Variants in RCL1 observed in about 807,000 individuals in gnomAD.
RCL1 encodes RNA 3'-terminal phosphate cyclase-like protein.
A neutral mutation model predicts 42.4 loss-of-function variants in RCL1; 24 were observed. That is an observed-to-expected ratio of 0.57 (90% CI 0.41 to 0.80). The LOEUF (loss-of-function observed/expected upper bound fraction) is 0.80. Among genes scored for constraint, RCL1 ranks in the 30% least tolerant of loss-of-function variants. RCL1 has a pLI of 0.00. For synonymous variants in RCL1, 228 were observed against 177.3 expected (o/e 1.29, Z -2.27); for missense variants, 578 against 467.9 (o/e 1.24, Z -2.17).
chr9:4,826,365 AC>A (rs1735598939), intron 2 of RCL1, among the ~76,000 whole-genome samples: 1 of 152,232 alleles, frequency 6.6e-6, no homozygotes, highest in Non-Finnish European at 1.5e-5. Context: ...AAATTAAAAG[AC>A]CTACTATTAA....
At chr9:4,797,040 G>T (rs1229643536) in intron 1 of RCL1, among the ~76,000 whole-genome samples, 1 of 152,036 alleles carries the variant, frequency 6.6e-6, no homozygotes, top group Admixed American at 6.6e-5. Context: ...CATAATACTT[G>T]GCAATTAAGA....
chr9:4,794,523 G>C (rs984832565), intron 1 of RCL1, among the ~76,000 whole-genome samples: 2 of 152,190 alleles, frequency 1.3e-5, no homozygotes. Context: ...CTTGATTGCT[G>C]TGTGGCATTC....
intron 1 of RCL1, among the ~76,000 whole-genome samples, chr9:4,817,603 A>T (rs116546332): frequency 2.7e-5 from 4 of 150,858 alleles, no homozygotes; most frequent in African/African-American, 7.3e-5. Context: ...CTCTACCTCA[A>T]CCCTGCCCCC....
At chr9:4,826,053 G>T (rs1816750516) in intron 2 of RCL1, among the ~76,000 whole-genome samples, 2 of 151,380 alleles carry the variant, frequency 1.3e-5, no homozygotes, top group Non-Finnish European at 2.9e-5. Context: ...AACATAGTGA[G>T]ACCCTTTCTC....
intron 3 of RCL1, among the ~76,000 whole-genome samples, chr9:4,828,028 T>C (rs1681915207): frequency 6.6e-6 from 1 of 151,650 alleles, no homozygotes; most frequent in South Asian, 2.1e-4. Context: ...CTACTAAAAA[T>C]ACAAAAAATT....
chr9:4,817,584 C>A (rs1319324696), intron 1 of RCL1, among the ~76,000 whole-genome samples: 1 of 151,890 alleles, frequency 6.6e-6, no homozygotes, highest in African/African-American at 2.4e-5. Context: ...AGGGATCCTC[C>A]TGCCTCAGCT....
intron 4 of RCL1, 139 bp from the exon 5 acceptor site, chr9:4,834,002 G>A (rs1406893260): frequency 3.2e-6 from 3 of 935,538 alleles, no homozygotes; most frequent in African/African-American, 3.4e-5. Flanking sequence ...TGTTGGTCTT[G>A]AAGGGAATGA....
chr9:4,801,049 A>G (rs1235115787), intron 1 of RCL1, among the ~76,000 whole-genome samples: 1 of 152,132 alleles, frequency 6.6e-6, no homozygotes, highest in Non-Finnish European at 1.5e-5. Flanking sequence ...TTTTATTCTG[A>G]TAGGTATGTA....
At chr9:4,812,505 C>T (rs1269334626) in intron 1 of RCL1, among the ~76,000 whole-genome samples, 1 of 152,128 alleles carries the variant, frequency 6.6e-6, no homozygotes. Context: ...CTCAAACGAT[C>T]CTCCTGCCTT....
intron 5 of RCL1, among the ~76,000 whole-genome samples, chr9:4,836,962 C>G (rs893997726): frequency 6.6e-6 from 1 of 152,146 alleles, no homozygotes; most frequent in Admixed American, 6.5e-5. Context: ...CCCATGTAAG[C>G]GCCCAGCCTT....
intron 7 of RCL1, among the ~76,000 whole-genome samples, chr9:4,847,125 C>T (rs780319020): frequency 2.6e-5 from 4 of 152,066 alleles, no homozygotes; most frequent in Admixed American, 6.6e-5. Context: ...GTGTTCCACC[C>T]GCCTCGGCCT....
At chr9:4,819,590 T>C (rs1394464429) in intron 1 of RCL1, among the ~76,000 whole-genome samples, 2 of 152,142 alleles carry the variant, frequency 1.3e-5, no homozygotes, top group African/African-American at 4.8e-5. Flanking sequence ...GGGGGGATCA[T>C]GAGGTCAGGA....
intron 1 of RCL1, among the ~76,000 whole-genome samples, chr9:4,816,260 T>C (rs1416042026): frequency 6.6e-6 from 1 of 152,230 alleles, no homozygotes; most frequent in Non-Finnish European, 1.5e-5. Context: ...ATTGCACATA[T>C]GTTATTCCAC....
In RCL1 at chr9:4,833,232, A is replaced by G; in HGVS notation, c.459+4A>G. 1 of 1,606,348 alleles carries G rather than the reference A, an allele frequency of 6.2e-7. No homozygotes were observed. Among genetic ancestry groups the G allele is most frequent in the Non-Finnish European group, 8.5e-7 (1 of 1,172,936 alleles). Reference sequence around the variant, plus strand: ...TGGTGAATCATTTGAACTGAAGGTAAGAATGTTTGAACTGTTGACCATATG... The same window carrying G: ...TGGTGAATCATTTGAACTGAAGGTAGGAATGTTTGAACTGTTGACCATATG... On this transcript the variant is annotated splice_donor_region_variant and intron_variant, in intron 4 of 8. Coordinates refer to ENST00000381750, the MANE Select transcript of RCL1 (RefSeq NM_005772.5).
chr9:4,805,386 AAAG>A (rs1000086453), intron 1 of RCL1, among the ~76,000 whole-genome samples: 1 of 124,850 alleles, frequency 8.0e-6, no homozygotes, highest in Non-Finnish European at 1.7e-5. Context: ...CTGTCTCTAA[AAAG>A]AAGAAGAAGG....
intron 8 of RCL1, among the ~76,000 whole-genome samples, chr9:4,853,280 C>T (rs1309666667): frequency 6.6e-6 from 1 of 151,628 alleles, no homozygotes; most frequent in African/African-American, 2.4e-5. Flanking sequence ...GGGTTCAGAC[C>T]TGGACAGTCT....
chr9:4,811,973 A>G (rs895022748), intron 1 of RCL1, among the ~76,000 whole-genome samples: 2 of 151,976 alleles, frequency 1.3e-5, no homozygotes, highest in Non-Finnish European at 2.9e-5. Context: ...TTTTTCATAT[A>G]CCTGTTGGCC....
At chr9:4,850,944 T>G (rs1207694394) in intron 8 of RCL1, among the ~76,000 whole-genome samples, 1 of 152,170 alleles carries the variant, frequency 6.6e-6, no homozygotes, top group African/African-American at 2.4e-5. Flanking sequence ...GGGTGTTGTC[T>G]TGAATGTGTG....
intron 1 of RCL1, among the ~76,000 whole-genome samples, chr9:4,795,815 A>G (rs1345646240): frequency 1.3e-5 from 2 of 152,178 alleles, no homozygotes; most frequent in African/African-American, 4.8e-5. Flanking sequence ...GAGCCACAGT[A>G]TGTGCAAGGC....
Sources: allele counts gnomAD v4.1 joint callset (sites outside exome capture counted in the v4.1 genomes callset), GRCh38; gene constraint gnomAD v4.1.1; transcripts MANE v1.5; gene names NCBI Gene and HGNC (gene_info 2026-07-23, HGNC 2026-07-21).